The following MDGA2 variants were observed in gnomAD, a reference collection of about 807,000 sequenced individuals.
MDGA2 encodes MAM domain-containing glycosylphosphatidylinositol anchor protein 2.
MDGA2 carries 40 observed loss-of-function variants against 117.8 expected under a neutral mutation model. That is an observed-to-expected ratio of 0.34 (90% CI 0.26 to 0.44). The LOEUF (loss-of-function observed/expected upper bound fraction) is 0.44, where lower values mean the gene tolerates loss of function less well. Among genes scored for constraint, MDGA2 ranks in the 20% least tolerant of loss-of-function variants. The pLI, the probability that MDGA2 is intolerant of heterozygous loss-of-function variation, is 1.00. For synonymous variants in MDGA2, 452 were observed against 439.0 expected (o/e 1.03, Z -0.37); for missense variants, 1,123 against 1,250.6 (o/e 0.90, Z 1.54).
At chr14:47,151,386 G>A (rs754758300) in intron 3 of MDGA2, among the ~76,000 whole-genome samples, 3 of 152,184 alleles carry the variant, frequency 2.0e-5, no homozygotes, top group Non-Finnish European at 1.5e-5. Context: ...ATCTTCCAAC[G>A]CTTCCAGGAA....
At chr14:47,359,688 T>C (rs1241792439) in intron 1 of MDGA2, among the ~76,000 whole-genome samples, 1 of 144,972 alleles carries the variant, frequency 6.9e-6, no homozygotes, top group Non-Finnish European at 1.5e-5. Flanking sequence ...GAGGTGGAGG[T>C]TGCAGTGAGC....
intron 1 of MDGA2, among the ~76,000 whole-genome samples, chr14:47,604,151 C>T (rs1019349558): frequency 6.6e-6 from 1 of 152,100 alleles, no homozygotes; most frequent in African/African-American, 2.4e-5. Context: ...CTTTGGAAGA[C>T]TTTTCTTAAC....
At chr14:47,581,409 T>G (rs562865246) in intron 1 of MDGA2, among the ~76,000 whole-genome samples, 20 of 152,100 alleles carry the variant, frequency 1.3e-4, no homozygotes, top group Non-Finnish European at 2.9e-4. Flanking sequence ...ACAATCAAGT[T>G]TTTATGGAAA....
chr14:46,874,681 G>C (rs1882152672), intron 12 of MDGA2, among the ~76,000 whole-genome samples: 1 of 151,850 alleles, frequency 6.6e-6, no homozygotes, highest in South Asian at 2.1e-4. Context: ...AAATGGAAGT[G>C]TGTTTAGGGC....
In MDGA2 at chr14:46,842,167, C is replaced by G. The variant is rs1383769231; in HGVS notation, c.2990-148G>C. 4 of 588,446 alleles carry G rather than the reference C, an allele frequency of 6.8e-6. No individual in the cohort carries two copies. In the East Asian group the frequency reaches 1.2e-4, roughly 17 times the overall value. The allele number at this position is 588,446 out of a possible 1,614,324, so 36.5% of individuals were successfully genotyped here. ...ATTTTTATTTTGTTTTATTTATCAG[C>G]TTCATTGCTAAGGGAAGTGAAAAGG... On this transcript the variant is annotated intron_variant, in intron 16 of 16. Transcript: ENST00000399232.
At chr14:46,943,763 T>G (rs543315582) in intron 9 of MDGA2, among the ~76,000 whole-genome samples, 56 of 152,234 alleles carry the variant, frequency 3.7e-4, no homozygotes, top group African/African-American at 1.3e-3. Context: ...TTATTTTTTC[T>G]TCAAACTGGA....
chr14:47,043,413 TGTG>T (rs540171780), intron 7 of MDGA2, among the ~76,000 whole-genome samples: 70 of 152,174 alleles, frequency 4.6e-4, no homozygotes, highest in Non-Finnish European at 6.8e-4. Flanking sequence ...TTTTTTTGTG[TGTG>T]GTGGTGGTTT....
At chr14:47,071,705 A>G (rs184667571) in intron 6 of MDGA2, among the ~76,000 whole-genome samples, 11 of 152,298 alleles carry the variant, frequency 7.2e-5, no homozygotes, top group Admixed American at 2.6e-4. Flanking sequence ...AGAGGGAAAT[A>G]CTAATTTCAC....
intron 8 of MDGA2, among the ~76,000 whole-genome samples, chr14:46,989,611 G>A (rs1887006001): frequency 6.6e-6 from 1 of 152,022 alleles, no homozygotes; most frequent in Non-Finnish European, 1.5e-5. Context: ...ATTTGCCAGT[G>A]GGAAAGGAAA....
intron 1 of MDGA2, among the ~76,000 whole-genome samples, chr14:47,611,636 C>T (rs1009457835): frequency 2.0e-5 from 3 of 151,924 alleles, no homozygotes; most frequent in African/African-American, 7.2e-5. Context: ...AGGGAAATGC[C>T]AATCAAAACC....
At chr14:47,604,708 G>A (rs190946184) in intron 1 of MDGA2, among the ~76,000 whole-genome samples, 7 of 152,108 alleles carry the variant, frequency 4.6e-5, no homozygotes, top group African/African-American at 7.2e-5. Context: ...TGTCAAGAAC[G>A]GGAATTTATT....
intron 3 of MDGA2, among the ~76,000 whole-genome samples, chr14:47,205,580 T>C (rs544154453): frequency 6.6e-6 from 1 of 151,928 alleles, no homozygotes; most frequent in Non-Finnish European, 1.5e-5. Flanking sequence ...TAATGTGAAA[T>C]ATCCTTTCAA....
chr14:47,083,194 C>T (rs1217653852), intron 6 of MDGA2, among the ~76,000 whole-genome samples: 1 of 151,936 alleles, frequency 6.6e-6, no homozygotes, highest in Admixed American at 6.6e-5. Context: ...TTTTCTAAAA[C>T]TTATGTAACT....
At chr14:46,908,539 A>T (rs1048945068) in intron 10 of MDGA2, among the ~76,000 whole-genome samples, 4 of 152,180 alleles carry the variant, frequency 2.6e-5, no homozygotes, top group African/African-American at 9.6e-5. Flanking sequence ...CTGGATTCTC[A>T]TAAGTTCTTA....
At chr14:47,042,327 T>TTG (rs1224005314) in intron 7 of MDGA2, among the ~76,000 whole-genome samples, 3 of 144,666 alleles carry the variant, frequency 2.1e-5, no homozygotes, top group South Asian at 2.2e-4. Context: ...TTTTTTTTTT[T>TTG]TGTGTGTGTG....
rs976266349 is a variant in MDGA2, at chr14:46,966,859, A to G, written c.1820-9216T>C. On this transcript the variant is annotated intron_variant, in intron 8 of 16. Transcript: ENST00000399232. ...ATAGAGATATCTACCTTATTTGGGA[A>G]GAATAATGCATGAAAATACCAGATT... Among the ~76,000 whole-genome samples the G allele has an allele frequency of 3.4e-5, 5 of 147,470 alleles. No homozygotes were observed. In the Admixed American group the frequency reaches 3.5e-4, roughly 10 times the overall value.
intron 1 of MDGA2, among the ~76,000 whole-genome samples, chr14:47,422,333 A>C (rs1892596929): frequency 6.6e-6 from 1 of 152,122 alleles, no homozygotes; most frequent in Middle Eastern, 3.2e-3. Context: ...GGCAAATGTG[A>C]ATAAGAGTGG....
chr14:47,051,353 C>A (rs1889451672), intron 7 of MDGA2, among the ~76,000 whole-genome samples: 1 of 151,792 alleles, frequency 6.6e-6, no homozygotes, highest in South Asian at 2.1e-4. Context: ...TCCCAGTAAT[C>A]TTTTATTTTC....
intron 3 of MDGA2, among the ~76,000 whole-genome samples, chr14:47,152,486 T>G (rs2139234903): frequency 6.6e-6 from 1 of 152,270 alleles, no homozygotes; most frequent in Middle Eastern, 3.4e-3. Flanking sequence ...TCTTTTAATG[T>G]CCTGGGAGTC....
Sources: gnomAD v4.1 joint callset for allele counts (sites outside exome capture counted in the v4.1 genomes callset) on GRCh38, gnomAD v4.1.1 for gene constraint, MANE v1.5 for transcripts, NCBI Gene and HGNC (gene_info 2026-07-23, HGNC 2026-07-21) for gene names.